The following TNFRSF11A variants were observed in gnomAD, a reference collection of about 807,000 sequenced individuals.
TNFRSF11A encodes TNF receptor superfamily member 11a, also known as tumor necrosis factor receptor superfamily member 11A.
In TNFRSF11A, 32 loss-of-function variants were observed where a neutral mutation model predicts 55.7. The ratio of observed to expected loss-of-function variants is 0.57; its 90% confidence interval spans 0.43 to 0.77. The LOEUF (loss-of-function observed/expected upper bound fraction) is 0.77. Ranked by LOEUF, TNFRSF11A falls within the 30% of genes least tolerant of loss-of-function variation. The probability of loss-of-function intolerance (pLI) is 0.00; values close to 1 mark genes in which losing one functional copy is unlikely to be tolerated. For missense variants in TNFRSF11A, 753 were observed against 809.8 expected, an observed-to-expected ratio of 0.93 and a Z score of 0.85; for synonymous variants, 311 against 331.0, an observed-to-expected ratio of 0.94 and a Z score of 0.65.
chr18:62,361,387 T>G (rs1302653083), intron 6 of TNFRSF11A, among the ~76,000 whole-genome samples: 1 of 152,174 alleles, frequency 6.6e-6, no homozygotes, highest in Non-Finnish European at 1.5e-5. Flanking sequence ...AAAATGAGAC[T>G]GGGTGATGTG....
At chr18:62,363,460 C>T (rs563921620) in intron 7 of TNFRSF11A, among the ~76,000 whole-genome samples, 1 of 149,718 alleles carries the variant, frequency 6.7e-6, no homozygotes, top group East Asian at 2.0e-4. Context: ...CCTCCGCCTC[C>T]TGGGTTGCAG....
intron 1 of TNFRSF11A, among the ~76,000 whole-genome samples, chr18:62,332,724 C>CT (rs907022063): frequency 3.1e-4 from 46 of 150,644 alleles, no homozygotes; most frequent in African/African-American, 9.3e-4. Context: ...TCTTTGTAAA[C>CT]TTTTTTTTTT....
intron 1 of TNFRSF11A, among the ~76,000 whole-genome samples, chr18:62,328,262 A>G (rs1185185876): frequency 6.6e-6 from 1 of 152,112 alleles, no homozygotes; most frequent in Admixed American, 6.6e-5. Context: ...AGGAATCCCT[A>G]AGGACTTCGG....
chr18:62,368,613 G>A (rs539985099), intron 8 of TNFRSF11A, 88 bp from the exon 9 acceptor site: 4 of 1,364,972 alleles, frequency 2.9e-6, no homozygotes, highest in South Asian at 2.4e-5. Context: ...AATAATCAGT[G>A]TAAACACTGT....
intron 1 of TNFRSF11A, among the ~76,000 whole-genome samples, chr18:62,333,532 C>T (rs2046186341): frequency 2.0e-5 from 3 of 152,320 alleles, no homozygotes; most frequent in Admixed American, 6.5e-5. Flanking sequence ...GTACTTTACA[C>T]GGATTATATC....
chr18:62,344,352 C>T (rs1296084293), intron 1 of TNFRSF11A, among the ~76,000 whole-genome samples: 1 of 152,328 alleles, frequency 6.6e-6, no homozygotes, highest in Admixed American at 6.5e-5. Flanking sequence ...CTAGAAAAAT[C>T]TCAGTAAATA....
intron 4 of TNFRSF11A, among the ~76,000 whole-genome samples, chr18:62,357,159 G>A (rs1208607036): frequency 1.3e-5 from 2 of 152,176 alleles, no homozygotes; most frequent in Admixed American, 6.5e-5. Flanking sequence ...CTTGACTCTG[G>A]ACAAAGAAAA....
chr18:62,329,782 C>T (rs111651834), intron 1 of TNFRSF11A, among the ~76,000 whole-genome samples: 5,928 of 152,228 alleles, frequency 0.039, 158 homozygotes, highest in Non-Finnish European at 0.059. Flanking sequence ...GCAGCGCTCC[C>T]CAGGCAGGCT....
chr18:62,380,549 G>C (rs1911205032), intron 9 of TNFRSF11A, among the ~76,000 whole-genome samples: 1 of 147,986 alleles, frequency 6.8e-6, no homozygotes, highest in South Asian at 2.1e-4. Context: ...CCATTCTCCT[G>C]CCTCAGCCTC....
intron 7 of TNFRSF11A, among the ~76,000 whole-genome samples, chr18:62,365,947 A>G (rs1396708082): frequency 6.6e-6 from 1 of 151,976 alleles, no homozygotes; most frequent in Non-Finnish European, 1.5e-5. Context: ...CCTCCCAAGT[A>G]GCTGGGATTA....
At position 62,354,501 on chromosome 18, in the gene TNFRSF11A, G is replaced by A. The variant is rs867372893; in HGVS notation, c.394G>A (p.Glu132Lys). The change falls in exon 4 of 10, where the codon GAG (glutamate) becomes AAG (lysine). Residue 132 changes from glutamate to lysine, a missense_variant. Physicochemically the swap from Glu to Lys is moderately conservative, Grantham distance 56. Coordinates refer to ENST00000586569, the MANE Select transcript of TNFRSF11A (RefSeq NM_003839.4). ...QDCECCRRNT[E>K]CAPGLGAQHP... ...CTGCGAGTGCTGCCGCCGCAACACC[G>A]AGTGCGCGCCGGGCCTGGGCGCCCA... The A allele has an allele frequency of 1.9e-6, 3 of 1,602,440 alleles. No homozygotes were observed. The highest frequency in any genetic ancestry group is 2.5e-6 in the Non-Finnish European group (3 of 1,179,254).
In TNFRSF11A at chr18:62,390,545, G is replaced by A. The variant is rs374694804; in HGVS notation, c.*5511G>A. The A allele has an allele frequency of 6.6e-6, 1 of 152,220 alleles. No individual in the cohort carries two copies. Among genetic ancestry groups the A allele is most frequent in the African/African-American group, 2.4e-5 (1 of 41,460 alleles). The allele number at this position is 152,220 out of a possible 1,614,324, so 9.4% of individuals were successfully genotyped here. On this transcript the variant is annotated 3_prime_UTR_variant, in exon 10 of 10. Transcript: ENST00000586569. ...CCTTCAGGAGGGCACTGGAGTCAAT[G>A]AAAGCTTTTGCTCTCACCCAGGCTC... is the stretch of plus-strand genomic sequence containing the variant.
At chr18:62,352,831 G>A (rs999573458) in intron 3 of TNFRSF11A, among the ~76,000 whole-genome samples, 2 of 152,114 alleles carry the variant, frequency 1.3e-5, no homozygotes, top group African/African-American at 4.8e-5. Context: ...TATAAAGATT[G>A]GAAATAGGAA....
chr18:62,382,768 T>A (rs2078014787), intron 9 of TNFRSF11A, among the ~76,000 whole-genome samples: 1 of 151,796 alleles, frequency 6.6e-6, no homozygotes, highest in African/African-American at 2.4e-5. Flanking sequence ...AGTTGAACAG[T>A]TTGTGGTGAT....
At chr18:62,360,774 C>G (rs1315134191) in intron 6 of TNFRSF11A, among the ~76,000 whole-genome samples, 1 of 152,090 alleles carries the variant, frequency 6.6e-6, no homozygotes, top group Non-Finnish European at 1.5e-5. Flanking sequence ...AGTAGAGTTT[C>G]AGATTGCCAG....
At chr18:62,363,572 T>A (rs1909857363) in intron 7 of TNFRSF11A, among the ~76,000 whole-genome samples, 1 of 152,026 alleles carries the variant, frequency 6.6e-6, no homozygotes, top group Non-Finnish European at 1.5e-5. Flanking sequence ...TTTCACCACG[T>A]TGGTCAGGCT....
In TNFRSF11A at chr18:62,362,005, G is replaced by C. The variant is rs7239667; in HGVS notation, c.730+212G>C. On this transcript the variant is annotated intron_variant, in intron 7 of 9. Transcript: ENST00000586569. ...TGCCTAGTTGTATATAAGGGAACAG[G>C]AATACGCTGGCGTTCAGGAAACGGA... Among the ~76,000 whole-genome samples, 59,786 of 152,128 alleles carry C rather than the reference G, an allele frequency of 0.39. 12,625 individuals are homozygous for C. The highest frequency in any genetic ancestry group is 0.53 in the African/African-American group (21,894 of 41,464).
intron 2 of TNFRSF11A, among the ~76,000 whole-genome samples, chr18:62,349,150 AATC>A (rs2046427666): frequency 1.3e-5 from 2 of 151,278 alleles, no homozygotes; most frequent in African/African-American, 4.9e-5. Flanking sequence ...CCCAGTTTAA[AATC>A]ATCATTCTAT....
Position 62,325,988 on chromosome 18 carries a change from G to C in TNFRSF11A, c.75+561G>C, listed in dbSNP as rs544436897. ...CACGGCGGGGAGAGACTGCGCGCGC[G>C]CCCCGGGGATGCTGGACTTGACCCT... On this transcript the variant is annotated intron_variant, in intron 1 of 9. Transcript: ENST00000586569. The surrounding 1 kb of genome is among the most constrained non-coding windows in gnomAD (Gnocchi z 4.7). Among the ~76,000 whole-genome samples, 6 of 152,306 alleles carry C rather than the reference G, an allele frequency of 3.9e-5. No individual in the cohort carries two copies. In the South Asian group the frequency reaches 1.2e-3, roughly 32 times the overall value.
Sources: gnomAD v4.1 joint callset for allele counts (sites outside exome capture counted in the v4.1 genomes callset) on GRCh38, gnomAD v4.1.1 for gene constraint, Gnocchi (gnomAD v3.1) non-coding constraint, MANE v1.5 for transcripts, NCBI Gene and HGNC (gene_info 2026-07-23, HGNC 2026-07-21) for gene names.